The following CDH7 variants were observed in gnomAD, a reference collection of about 807,000 sequenced individuals.
CDH7 encodes the protein cadherin-7.
A neutral mutation model predicts 71.8 loss-of-function variants in CDH7; 25 were observed. The observed-to-expected ratio is 0.35, with a 90% CI of 0.25 to 0.49. The LOEUF (loss-of-function observed/expected upper bound fraction) is 0.49, where lower values mean the gene tolerates loss of function less well. CDH7 is among the 20% of genes least tolerant of loss of function. CDH7 has a pLI of 0.99. For missense variants in CDH7, 862 were observed against 974.6 expected (o/e 0.88, Z 1.54); for synonymous variants, 381 against 363.8 (o/e 1.05, Z -0.54).
chr18:65,789,781 G>A (rs1274694688), intron 2 of CDH7, among the ~76,000 whole-genome samples: 1 of 152,108 alleles, frequency 6.6e-6, no homozygotes, highest in Admixed American at 6.6e-5. Context: ...AGGGAAAGGA[G>A]GTGGGGAGGT....
Position 65,814,523 on chromosome 18 carries a change from G to A in CDH7, c.544G>A (p.Asp182Asn), listed in dbSNP as rs1216292648. The A allele has an allele frequency of 6.2e-7, 1 of 1,613,672 alleles. No homozygotes were observed. Among genetic ancestry groups the A allele is most frequent in the Non-Finnish European group, 8.5e-7 (1 of 1,179,810 alleles). The change falls in exon 4 of 12, where the codon GAT becomes AAT. Residue 182 changes from aspartate (D) to asparagine (N), a missense_variant. Asp to Asn is a conservative substitution (Grantham distance 23). Transcript: ENST00000397968. ...VVQVTATDAD[D>N]PTYGNSARVV... ...ACAAGTGACAGCGACGGATGCTGAT[G>A]ATCCTACATATGGCAACAGTGCCAG...
intron 1 of CDH7, among the ~76,000 whole-genome samples, chr18:65,756,237 C>T (rs1306665815): frequency 6.6e-6 from 1 of 152,082 alleles, no homozygotes; most frequent in African/African-American, 2.4e-5. Flanking sequence ...TATTTTGGTG[C>T]TATTATTCCA....
At chr18:65,776,558 G>A (rs1169942035) in intron 2 of CDH7, among the ~76,000 whole-genome samples, 3 of 152,110 alleles carry the variant, frequency 2.0e-5, no homozygotes, top group Non-Finnish European at 2.9e-5. Context: ...GAAAAGTGAT[G>A]CTTAATGGAA....
chr18:65,815,049 A>G (rs1214946233), intron 4 of CDH7, among the ~76,000 whole-genome samples: 1 of 152,216 alleles, frequency 6.6e-6, no homozygotes, highest in African/African-American at 2.4e-5. Context: ...TAGTTGAAAC[A>G]TAACAATTAG....
intron 2 of CDH7, among the ~76,000 whole-genome samples, chr18:65,781,886 C>T (rs1193485545): frequency 1.9e-5 from 2 of 105,328 alleles, no homozygotes; most frequent in African/African-American, 9.0e-5. Context: ...CTCTGTCTCT[C>T]TCTCTCTTTC....
chr18:65,849,181 T>A (rs1166574385), intron 7 of CDH7, among the ~76,000 whole-genome samples: 5 of 152,216 alleles, frequency 3.3e-5, no homozygotes, highest in African/African-American at 1.2e-4. Flanking sequence ...ATGCTGCTCA[T>A]TTTAGCATAA....
At chr18:65,856,273 A>G (rs770193577) in intron 7 of CDH7, among the ~76,000 whole-genome samples, 1 of 152,172 alleles carries the variant, frequency 6.6e-6, no homozygotes. Flanking sequence ...AAAATAAGAT[A>G]TATTATTATT....
intron 6 of CDH7, among the ~76,000 whole-genome samples, chr18:65,841,795 G>A (rs1912743016): frequency 6.6e-6 from 1 of 152,036 alleles, no homozygotes; most frequent in Non-Finnish European, 1.5e-5. Flanking sequence ...GAATCCATTG[G>A]AAGGGGCCAC....
chr18:65,841,457 A>T (rs1016396441), intron 6 of CDH7, among the ~76,000 whole-genome samples: 1 of 152,188 alleles, frequency 6.6e-6, no homozygotes. Flanking sequence ...GGAGCTGACA[A>T]ATCGGATTTC....
chr18:65,830,147 C>T (rs959986614), intron 6 of CDH7, among the ~76,000 whole-genome samples: 5 of 152,044 alleles, frequency 3.3e-5, no homozygotes, highest in African/African-American at 4.8e-5. Flanking sequence ...CAGAAAGAAC[C>T]GGGGCAATTT....
intron 2 of CDH7, among the ~76,000 whole-genome samples, chr18:65,796,675 A>T (rs1419364353): frequency 1.3e-5 from 2 of 152,166 alleles, no homozygotes; most frequent in South Asian, 4.2e-4. Context: ...GTTGTCCAAC[A>T]TCAGAGCGAC....
Position 65,862,905 on chromosome 18 carries a change from T to G in CDH7, c.1852T>G (p.Leu618Val), listed in dbSNP as rs754853947. 9.9e-6 allele frequency: 16 copies of G among 1,614,176 alleles called. No individual in the cohort carries two copies. In the African/African-American group the frequency reaches 1.9e-4, roughly 19 times the overall value. ...GALIAILACV[L>V]TLLVLILLIV... ...CCTGATAGCCATACTCGCCTGTGTC[T>G]TGACATTATTGGGTAGGTACTGTTT... is the stretch of plus-strand genomic sequence containing the variant. Residue 618 changes from leucine to valine, a missense_variant, in exon 11 of 12, where the codon TTG (leucine) becomes GTG (valine). Transcript: ENST00000397968.
At chr18:65,757,618 C>T (rs1916067354) in intron 1 of CDH7, among the ~76,000 whole-genome samples, 1 of 151,900 alleles carries the variant, frequency 6.6e-6, no homozygotes, top group African/African-American at 2.4e-5. Flanking sequence ...TCAGATTAAT[C>T]ATTTATCCAG....
Position 65,885,214 on chromosome 18 carries a change from G to A in CDH7, c.*4320G>A, listed in dbSNP as rs1914337027. The A allele has an allele frequency of 6.6e-6, 1 of 151,756 alleles. No homozygotes were observed. Among genetic ancestry groups the A allele is most frequent in the Non-Finnish European group, 1.5e-5 (1 of 67,938 alleles). The allele number at this position is 151,756 out of a possible 1,614,324, so 9.4% of individuals were successfully genotyped here. On this transcript the variant is annotated 3_prime_UTR_variant, in exon 12 of 12. Transcript: ENST00000397968. ...TAAGCCCTTAAGAAAAATGGGAGAT[G>A]TTTAAGGCTGTGATTTGGCCGACAT...
At chr18:65,820,734 G>A (rs1400281730) in intron 4 of CDH7, among the ~76,000 whole-genome samples, 2 of 152,140 alleles carry the variant, frequency 1.3e-5, no homozygotes, top group African/African-American at 4.8e-5. Context: ...AATTAGAAGT[G>A]TGAAAAATAA....
Position 65,882,808 on chromosome 18 carries a change from CAAAA to C in CDH7, c.*1918_*1921del, listed in dbSNP as rs994761075. 1 of 151,840 alleles carries C rather than the reference CAAAA, an allele frequency of 6.6e-6. No homozygotes were observed. The highest frequency in any genetic ancestry group is 2.4e-5 in the African/African-American group (1 of 41,340). The allele number at this position is 151,840 out of a possible 1,614,324, so 9.4% of individuals were successfully genotyped here. ...TTCAAACTAAAAAATAACAAACAAACAAAAAAACACGCGTATTTACCCAGTTCAA... is the reference window on the plus strand; with the variant it reads ...TTCAAACTAAAAAATAACAAACAAACAAACACGCGTATTTACCCAGTTCAA... On this transcript the variant is annotated 3_prime_UTR_variant, in exon 12 of 12. Transcript: ENST00000397968.
intron 4 of CDH7, 28 bp downstream of exon 4, chr18:65,814,632 A>T (rs1486693685): frequency 1.3e-6 from 2 of 1,591,648 alleles, no homozygotes; most frequent in Middle Eastern, 1.7e-4. Context: ...ACATTCTTGT[A>T]AAGTCATCAT....
At chr18:65,778,529 C>CTTTTTTTTTGTTTTTTTTTT (rs1910046895) in intron 2 of CDH7, among the ~76,000 whole-genome samples, 1 of 84,340 alleles carries the variant, frequency 1.2e-5, no homozygotes, top group Non-Finnish European at 2.4e-5. Flanking sequence ...GCGTCTCACT[C>CTTTTTTTTTGTTTTTTTTTT]TTTTTTTTTT....
chr18:65,875,342 T>C (rs1407219558), intron 11 of CDH7, among the ~76,000 whole-genome samples: 1 of 152,194 alleles, frequency 6.6e-6, no homozygotes, highest in Admixed American at 6.5e-5. Context: ...ACCACAGGAC[T>C]TGATGATACT....
Sources: allele counts gnomAD v4.1 joint callset (sites outside exome capture counted in the v4.1 genomes callset), GRCh38; gene constraint gnomAD v4.1.1; transcripts MANE v1.5; gene names NCBI Gene and HGNC (gene_info 2026-07-23, HGNC 2026-07-21).